TLN2: variants seen among roughly 807,000 people sequenced by gnomAD.
TLN2 encodes the protein talin 2, also known as talin-2.
In TLN2, 118 loss-of-function variants were observed where a neutral mutation model predicts 294.7. The ratio of observed to expected loss-of-function variants is 0.40; its 90% CI spans 0.34 to 0.47. TLN2 has a LOEUF of 0.47. Ranked by LOEUF, TLN2 falls within the 20% of genes least tolerant of loss-of-function variation. The pLI is 0.84. For missense variants in TLN2, 3,083 were observed against 3,282.2 expected (o/e 0.94, Z 1.48); for synonymous variants, 1,431 against 1,304.5 (o/e 1.10, Z -2.09).
intron 26 of TLN2, 137 bp downstream of exon 26, chr15:62,722,624 C>A (rs2060214526): frequency 1.2e-5 from 14 of 1,161,706 alleles, no homozygotes; most frequent in Non-Finnish European, 1.6e-5. Context: ...ATTAAAGATG[C>A]CCCTGTGGGT....
chr15:62,642,393 C>A (rs1027447936), intron 3 of TLN2, among the ~76,000 whole-genome samples: 2 of 152,308 alleles, frequency 1.3e-5, no homozygotes, highest in South Asian at 2.1e-4. Flanking sequence ...GAAGAGGAAA[C>A]CTGATCAGCA....
In TLN2 at chr15:62,444,669, C is replaced by T. The variant is rs533816851; in HGVS notation, c.-238+53984C>T. On this transcript the variant is annotated intron_variant, in intron 1 of 58. Transcript: ENST00000636159. ...GAACAATGGTGAGGCGTGTTGGAGT[C>T]ATTTGCTTCTAATTACTGGCTAAGG... Among the ~76,000 whole-genome samples, 35 of 152,316 alleles carry T rather than the reference C, an allele frequency of 2.3e-4. 2 individuals are homozygous for T. The South Asian group carries it at 7.0e-3, about 31-fold the overall frequency.
At position 62,701,178 on chromosome 15, in the gene TLN2, A is replaced by G. The variant is rs752712723; in HGVS notation, c.1660A>G (p.Thr554Ala). ...AATCCATTCTCAAGTTGATGCTATC[A>G]CGGCCGGAACGGCTTCAGTTGTTAA... The part of the protein sequence containing the change: ...HEIHSQVDAI[T>A]AGTASVVNLT... Residue 554 changes from threonine (T) to alanine (A), a missense_variant, in exon 17 of 59, where the codon ACG becomes GCG. Coordinates refer to ENST00000636159, the MANE Select transcript of TLN2 (RefSeq NM_015059.3). The G allele has an allele frequency of 8.7e-6, 14 of 1,614,166 alleles. No individual in the cohort carries two copies. Among genetic ancestry groups the G allele is most frequent in the South Asian group, 7.7e-5 (7 of 91,072 alleles).
At position 62,781,259 on chromosome 15, in the gene TLN2, T is replaced by C; in HGVS notation, c.5616+18T>C. On this transcript the variant is annotated intron_variant, in intron 44 of 58. Coordinates refer to ENST00000636159, the MANE Select transcript of TLN2 (RefSeq NM_015059.3). ...AGGAAATGGTAAGAGGGAAGAGAGC[T>C]GCCCTCCCCACTGTTGTTTGCCTTT... is the stretch of plus-strand genomic sequence containing the variant. The C allele has an allele frequency of 6.3e-7, 1 of 1,594,366 alleles. No individual in the cohort carries two copies. The highest frequency in any genetic ancestry group is 8.6e-7 in the Non-Finnish European group (1 of 1,162,474).
chr15:62,790,089 T>A lies in TLN2; in HGVS notation c.5737-2552T>A, dbSNP rs117130745. Among the ~76,000 whole-genome samples, 466 of 152,338 alleles carry A rather than the reference T, an allele frequency of 3.1e-3. 1 individual carries two copies. The highest frequency in any genetic ancestry group is 4.7e-3 in the Non-Finnish European group (319 of 68,032). On this transcript the variant is annotated intron_variant, in intron 45 of 58. Coordinates refer to ENST00000636159, the MANE Select transcript of TLN2 (RefSeq NM_015059.3). ...GGGAGGAAACTGCTCTCCTTTGCTTTCTTTATGCATGTAACAGGATTTTCT... is the reference window on the plus strand; with the variant it reads ...GGGAGGAAACTGCTCTCCTTTGCTTACTTTATGCATGTAACAGGATTTTCT...
chr15:62,716,650 C>T (rs2059791610), intron 23 of TLN2, among the ~76,000 whole-genome samples, 191 bp downstream of exon 23: 1 of 152,196 alleles, frequency 6.6e-6, no homozygotes, highest in Non-Finnish European at 1.5e-5. Context: ...AGCTCGAATC[C>T]TTTCTAGCAT....
chr15:62,500,403 C>T (rs1017316070), intron 1 of TLN2, among the ~76,000 whole-genome samples: 1 of 152,150 alleles, frequency 6.6e-6, no homozygotes, highest in Non-Finnish European at 1.5e-5. Context: ...CTCTACAGAA[C>T]TTTGATTGCT....
At chr15:62,825,818 A>ATATATATTATATAT (rs377038608) in intron 54 of TLN2, among the ~76,000 whole-genome samples, 1 of 74,456 alleles carries the variant, frequency 1.3e-5, no homozygotes, top group Non-Finnish European at 2.1e-5. Flanking sequence ...TTATATTATA[A>ATATATATTATATAT]TATATATTAT....
intron 3 of TLN2, among the ~76,000 whole-genome samples, chr15:62,619,042 C>T (rs1244177219): frequency 1.3e-5 from 2 of 151,572 alleles, no homozygotes; most frequent in African/African-American, 4.8e-5. Flanking sequence ...GTTTTCTGTT[C>T]TTAGTTTGGA....
chr15:62,401,540 C>T (rs184021838), intron 1 of TLN2, among the ~76,000 whole-genome samples: 179 of 152,292 alleles, frequency 1.2e-3, no homozygotes, highest in African/African-American at 4.1e-3. Context: ...CCTAGCTGCA[C>T]ATTGGAATCA....
chr15:62,415,244 T>C (rs1427413977), intron 1 of TLN2, among the ~76,000 whole-genome samples: 4 of 141,322 alleles, frequency 2.8e-5, no homozygotes, highest in Middle Eastern at 3.5e-3. Flanking sequence ...GGGACAGAGA[T>C]GGACAGATTT....
In TLN2 at chr15:62,678,920, C is replaced by T. The variant is rs143636468; in HGVS notation, c.957+3599C>T. ...ACCCTCTAACATTATTTTGGAAGTTCTGGGAAATACAGTAAAATGAGGGGA... is the reference window on the plus strand; with the variant it reads ...ACCCTCTAACATTATTTTGGAAGTTTTGGGAAATACAGTAAAATGAGGGGA... On this transcript the variant is annotated intron_variant, in intron 11 of 58. Transcript: ENST00000636159. Among the ~76,000 whole-genome samples the T allele has an allele frequency of 7.9e-5, 12 of 152,072 alleles. No individual in the cohort carries two copies. The East Asian group carries it at 2.3e-3, about 29-fold the overall frequency.
chr15:62,609,958 C>A (rs2047779803), intron 2 of TLN2, among the ~76,000 whole-genome samples: 1 of 152,214 alleles, frequency 6.6e-6, no homozygotes, highest in Non-Finnish European at 1.5e-5. Flanking sequence ...GGCACCCTTT[C>A]AAACTATGTG....
In TLN2 at chr15:62,771,059, G is replaced by A. The variant is rs757090817; in HGVS notation, c.5292G>A (p.Leu1764=). The change falls in exon 42 of 59, where the codon CTG becomes CTA. Residue 1764 remains leucine (L), a synonymous_variant. Transcript: ENST00000636159. ...ATCATCAGCAGCAGATGACGGTGCT[G>A]GACCAGACCAAGACTCTCGCAGAGT... ...ILDHQQQMTV[L]DQTKTLAESA... The A allele has an allele frequency of 6.2e-7, 1 of 1,613,518 alleles. No homozygotes were observed. The highest frequency in any genetic ancestry group is 2.2e-5 in the East Asian group (1 of 44,854).
chr15:62,578,507 C>T (rs1232006202), intron 1 of TLN2, among the ~76,000 whole-genome samples: 16 of 152,122 alleles, frequency 1.1e-4, no homozygotes, highest in Non-Finnish European at 2.9e-5. Flanking sequence ...GTGGAGGTTG[C>T]AGTGAGTGAG....
chr15:62,781,074 C>T, intron 43 of TLN2, 66 bp from the exon 44 acceptor site: 4 of 1,254,726 alleles, frequency 3.2e-6, no homozygotes, highest in South Asian at 1.2e-5. Context: ...TCCTAATTCT[C>T]GTAAATACAG....
intron 1 of TLN2, among the ~76,000 whole-genome samples, chr15:62,588,217 C>T (rs1016097389): frequency 6.6e-6 from 1 of 152,032 alleles, no homozygotes; most frequent in African/African-American, 2.4e-5. Context: ...TAGTTGCTAT[C>T]TTTTCATATG....
chr15:62,527,560 G>T (rs1331756045), intron 1 of TLN2, among the ~76,000 whole-genome samples: 2 of 152,160 alleles, frequency 1.3e-5, no homozygotes, highest in South Asian at 4.1e-4. Context: ...ATAGTGGTAA[G>T]TCATTCCCAA....
intron 44 of TLN2, 74 bp downstream of exon 44, chr15:62,781,315 C>T: frequency 1.7e-6 from 2 of 1,169,006 alleles, no homozygotes; most frequent in South Asian, 2.5e-5. Context: ...GCCTGCAAAT[C>T]CCAGATCTGT....
Sources: gnomAD v4.1 joint callset for allele counts (sites outside exome capture counted in the v4.1 genomes callset) on GRCh38, gnomAD v4.1.1 for gene constraint, MANE v1.5 for transcripts, NCBI Gene and HGNC (gene_info 2026-07-23, HGNC 2026-07-21) for gene names.